Variants in SRBD1 observed in about 807,000 individuals in gnomAD.
SRBD1 encodes the protein S1 RNA binding domain 1.
SRBD1 carries 88 observed loss-of-function variants against 115.3 expected under a neutral mutation model. The observed-to-expected ratio is 0.76, with a 90% confidence interval of 0.64 to 0.91. The LOEUF is 0.91. Ranked by LOEUF, SRBD1 falls within the 40% of genes least tolerant of loss-of-function variation. The pLI, the probability that SRBD1 is intolerant of heterozygous loss-of-function variation, is 0.00. For synonymous variants in SRBD1, 509 were observed against 407.7 expected (o/e 1.25, Z -2.99); for missense variants, 1,385 against 1,177.4 (o/e 1.18, Z -2.58).
At chr2:45,605,569 A>T in intron 1 of SRBD1, 128 bp from the exon 2 acceptor site, 1 of 849,362 alleles carries the variant, frequency 1.2e-6, no homozygotes, top group Non-Finnish European at 1.9e-6. Context: ...GTTTATTCAC[A>T]AGCCCAAACA....
chr2:45,490,050 G>T (rs992953429), intron 14 of SRBD1, among the ~76,000 whole-genome samples: 6 of 152,078 alleles, frequency 3.9e-5, no homozygotes, highest in Non-Finnish European at 8.8e-5. Context: ...CATAACTTCA[G>T]AGACCAGCTT....
intron 14 of SRBD1, among the ~76,000 whole-genome samples, chr2:45,495,748 T>G (rs1670437439): frequency 6.6e-6 from 1 of 152,162 alleles, no homozygotes; most frequent in African/African-American, 2.4e-5. Flanking sequence ...GAACACTAAC[T>G]GTGGAAGAAA....
intron 14 of SRBD1, among the ~76,000 whole-genome samples, chr2:45,515,320 T>C (rs1489905994): frequency 6.6e-6 from 1 of 152,008 alleles, no homozygotes; most frequent in Non-Finnish European, 1.5e-5. Context: ...GGTAGAGAGG[T>C]TGGGTAATTT....
At chr2:45,504,176 T>C (rs532795570) in intron 14 of SRBD1, among the ~76,000 whole-genome samples, 1 of 152,196 alleles carries the variant, frequency 6.6e-6, no homozygotes, top group African/African-American at 2.4e-5. Flanking sequence ...TATCTACTAG[T>C]CTTCACAAAT....
At chr2:45,546,024 A>G (rs917989473) in intron 14 of SRBD1, 5 of 364,992 alleles carry the variant, frequency 1.4e-5, no homozygotes, top group African/African-American at 1.1e-4. Context: ...TTTCTGTTAA[A>G]TATCAGCCAT....
intron 16 of SRBD1, among the ~76,000 whole-genome samples, chr2:45,466,801 A>G (rs933008380): frequency 1.3e-5 from 2 of 152,200 alleles, no homozygotes; most frequent in Non-Finnish European, 2.9e-5. Flanking sequence ...ATGTGCATTC[A>G]AAACACCTAG....
At chr2:45,515,779 T>A (rs1189689043) in intron 14 of SRBD1, among the ~76,000 whole-genome samples, 2 of 152,340 alleles carry the variant, frequency 1.3e-5, no homozygotes, top group East Asian at 3.9e-4. Context: ...AAGAAAGACC[T>A]GAAAGATGAT....
intron 14 of SRBD1, among the ~76,000 whole-genome samples, chr2:45,538,031 G>A (rs1186896765): frequency 6.6e-6 from 1 of 152,170 alleles, no homozygotes; most frequent in Non-Finnish European, 1.5e-5. Flanking sequence ...AGGAAGAAGT[G>A]TATGGTAGGC....
At chr2:45,443,702 G>A (rs893156091) in intron 16 of SRBD1, among the ~76,000 whole-genome samples, 1 of 151,402 alleles carries the variant, frequency 6.6e-6, no homozygotes, top group African/African-American at 2.4e-5. Flanking sequence ...GTAACATCAG[G>A]GAATAAAGTG....
chr2:45,391,500 A>G (rs924659292), intron 20 of SRBD1, among the ~76,000 whole-genome samples: 1 of 152,230 alleles, frequency 6.6e-6, no homozygotes, highest in African/African-American at 2.4e-5. Flanking sequence ...TGCCCCCTCG[A>G]AAGTATAGTT....
intron 16 of SRBD1, among the ~76,000 whole-genome samples, chr2:45,465,046 C>CACACACACACACAT (rs58921931): frequency 5.6e-5 from 8 of 141,622 alleles, no homozygotes; most frequent in South Asian, 2.3e-4. Flanking sequence ...CACACACACA[C>CACACACACACACAT]ACAGAGTCAT....
chr2:45,461,698 A>T (rs1449339984), intron 16 of SRBD1, among the ~76,000 whole-genome samples: 1 of 152,034 alleles, frequency 6.6e-6, no homozygotes, highest in Non-Finnish European at 1.5e-5. Flanking sequence ...CTCTTACAAG[A>T]TATTAATTTT....
chr2:45,546,659 G>A, intron 14 of SRBD1, 73 bp downstream of exon 14: 2 of 1,387,346 alleles, frequency 1.4e-6, no homozygotes, highest in South Asian at 2.3e-5. Flanking sequence ...AAAGAGAAGG[G>A]AGGATTCATC....
Position 45,418,525 on chromosome 2 carries a change from T to C in SRBD1, c.2173A>G (p.Asn725Asp). Residue 725 changes from asparagine (N) to aspartate (D), a missense_variant, in exon 18 of 21, where the codon AAT (asparagine) becomes GAT (aspartate). By Grantham distance (23) the Asn-to-Asp change is conservative. Transcript: ENST00000263736. Reference protein sequence around the residue: ...EVLLRHIAGLNANRAKNIIEW... With the variant: ...EVLLRHIAGLDANRAKNIIEW... Reference sequence around the variant, plus strand: ...ATAATATTTTTGGCCCTGTTGGCATTGAGTCCTGCAATATGCCTAGAAAAA... The same window carrying C: ...ATAATATTTTTGGCCCTGTTGGCATCGAGTCCTGCAATATGCCTAGAAAAA... 1 of 1,613,340 alleles carries C rather than the reference T, an allele frequency of 6.2e-7. No homozygotes were observed. Among genetic ancestry groups the C allele is most frequent in the South Asian group, 1.1e-5 (1 of 91,032 alleles).
At chr2:45,543,324 G>T (rs1029143661) in intron 14 of SRBD1, among the ~76,000 whole-genome samples, 5 of 152,228 alleles carry the variant, frequency 3.3e-5, no homozygotes, top group African/African-American at 1.2e-4. Flanking sequence ...GGTAGGGAGA[G>T]AAATGAATGA....
At chr2:45,565,697 A>C (rs1672806725) in intron 9 of SRBD1, among the ~76,000 whole-genome samples, 1 of 152,270 alleles carries the variant, frequency 6.6e-6, no homozygotes, top group African/African-American at 2.4e-5. Flanking sequence ...GGCATGGGAC[A>C]AAAATTTTTG....
intron 10 of SRBD1, among the ~76,000 whole-genome samples, chr2:45,555,979 G>C (rs1368556451): frequency 1.3e-5 from 2 of 152,074 alleles, no homozygotes; most frequent in Non-Finnish European, 2.9e-5. Flanking sequence ...ATTACCTTAA[G>C]GGTACTCTCA....
chr2:45,468,077 T>A (rs149319198), intron 16 of SRBD1, among the ~76,000 whole-genome samples: 1 of 152,292 alleles, frequency 6.6e-6, no homozygotes, highest in African/African-American at 2.4e-5. Flanking sequence ...CCATGCCCCA[T>A]CCAAACTATC....
intron 16 of SRBD1, among the ~76,000 whole-genome samples, chr2:45,459,807 T>C (rs984182911): frequency 1.3e-4 from 20 of 152,134 alleles, no homozygotes; most frequent in African/African-American, 4.6e-4. Context: ...GGTCCATAGC[T>C]CACTTTGGGG....
Sources: allele counts gnomAD v4.1 joint callset (sites outside exome capture counted in the v4.1 genomes callset), GRCh38; gene constraint gnomAD v4.1.1; transcripts MANE v1.5; gene names NCBI Gene and HGNC (gene_info 2026-07-23, HGNC 2026-07-21).